The following CNTN6 variants were observed in gnomAD, a reference collection of about 807,000 sequenced individuals.
CNTN6 encodes the protein contactin 6.
CNTN6 carries 137 observed loss-of-function variants against 122.8 expected under a neutral mutation model. The ratio of observed to expected loss-of-function variants is 1.12; its 90% CI spans 0.97 to 1.29. The LOEUF is 1.29. Ranked by LOEUF, CNTN6 falls within the 50% of genes most tolerant of loss-of-function variation. The pLI is 0.00. For missense variants in CNTN6, 1,634 were observed against 1,223.4 expected (o/e 1.34, Z -5.01); for synonymous variants, 570 against 426.0 (o/e 1.34, Z -4.16).
At chr3:1,349,802 A>G (rs1487138840) in intron 11 of CNTN6, among the ~76,000 whole-genome samples, 1 of 151,754 alleles carries the variant, frequency 6.6e-6, no homozygotes, top group Non-Finnish European at 1.5e-5. Context: ...TTATATTGTC[A>G]TGAGATTAAT....
At chr3:1,265,300 G>T (rs1432515269) in intron 4 of CNTN6, among the ~76,000 whole-genome samples, 1 of 152,104 alleles carries the variant, frequency 6.6e-6, no homozygotes, top group Non-Finnish European at 1.5e-5. Context: ...ACCTCTAAAT[G>T]AAACCTAGTC....
chr3:1,401,309 GAA>G, intron 20 of CNTN6, 122 bp from the exon 21 acceptor site: 1 of 717,816 alleles, frequency 1.4e-6, no homozygotes, highest in Non-Finnish European at 2.4e-6. Flanking sequence ...AAATGACACT[GAA>G]GACATTTTAG....
At chr3:1,150,437 C>T (rs920746820) in intron 2 of CNTN6, among the ~76,000 whole-genome samples, 6 of 152,018 alleles carry the variant, frequency 3.9e-5, no homozygotes, top group South Asian at 2.1e-4. Context: ...TTTTGACAAC[C>T]TCTCCCCTCA....
At chr3:1,358,963 G>T (rs1707043372) in intron 12 of CNTN6, among the ~76,000 whole-genome samples, 3 of 152,138 alleles carry the variant, frequency 2.0e-5, no homozygotes, top group South Asian at 2.1e-4. Context: ...GGGAAGCTGA[G>T]ATGGAAGGAT....
At chr3:1,325,764 T>C in intron 8 of CNTN6, 51 bp from the exon 9 acceptor site, 1 of 1,589,338 alleles carries the variant, frequency 6.3e-7, no homozygotes, top group South Asian at 1.2e-5. Context: ...TAGCATAATG[T>C]CTTGGATAAC....
At position 1,372,465 on chromosome 3, in the gene CNTN6, G is replaced by C; in HGVS notation, c.1659G>C (p.Arg553Ser). Reference protein sequence around the residue: ...DLKKGVAHFERIGGESVGDLM... With the variant: ...DLKKGVAHFESIGGESVGDLM... ...AAAAAGGAGTGGCTCATTTTGAAAG[G>C]ATTGGAGGAGTAAGTTACTGAAATT... The change falls in exon 13 of 23, where the codon AGG (arginine) becomes AGC (serine). Residue 553 changes from arginine to serine, a missense_variant. Arg to Ser is a moderately radical substitution (Grantham distance 110). Coordinates refer to ENST00000446702, the MANE Select transcript of CNTN6 (RefSeq NM_001289080.2). 1.2e-6 allele frequency: 2 copies of C among 1,604,758 alleles called. No homozygotes were observed. The highest frequency in any genetic ancestry group is 2.2e-5 in the East Asian group (1 of 44,684).
chr3:1,246,975 C>T (rs1386104673), intron 4 of CNTN6, among the ~76,000 whole-genome samples: 2 of 152,090 alleles, frequency 1.3e-5, no homozygotes, highest in Non-Finnish European at 2.9e-5. Context: ...TGCCTTTTCA[C>T]TCTCTTAATC....
At chr3:1,194,502 G>A (rs1202279913) in intron 2 of CNTN6, among the ~76,000 whole-genome samples, 6 of 151,966 alleles carry the variant, frequency 3.9e-5, no homozygotes, top group Non-Finnish European at 8.8e-5. Flanking sequence ...ATATTAATAT[G>A]CTAATAATGT....
At chr3:1,285,197 A>T (rs1694128941) in intron 5 of CNTN6, among the ~76,000 whole-genome samples, 1 of 152,228 alleles carries the variant, frequency 6.6e-6, no homozygotes, top group Admixed American at 6.5e-5. Context: ...GTATGTATTT[A>T]TAAGGTATAA....
chr3:1,315,885 C>T (rs193092198), intron 7 of CNTN6, among the ~76,000 whole-genome samples: 2 of 151,896 alleles, frequency 1.3e-5, no homozygotes, highest in African/African-American at 4.8e-5. Flanking sequence ...GCTTGTGTAG[C>T]CGTTTCATTC....
At chr3:1,327,731 A>C in intron 10 of CNTN6, 145 bp downstream of exon 10, 1 of 887,950 alleles carries the variant, frequency 1.1e-6, no homozygotes, top group East Asian at 2.8e-5. Context: ...CTTTTTACAA[A>C]ATTCAAGGTG....
chr3:1,366,984 C>T (rs1456811506), intron 12 of CNTN6, among the ~76,000 whole-genome samples: 1 of 152,060 alleles, frequency 6.6e-6, no homozygotes, highest in Non-Finnish European at 1.5e-5. Context: ...CTTCATACTT[C>T]CAAAGTTTTT....
intron 19 of CNTN6, among the ~76,000 whole-genome samples, chr3:1,383,638 TAAAAAA>T (rs1181893609): frequency 6.7e-6 from 1 of 148,826 alleles, no homozygotes; most frequent in African/African-American, 2.5e-5. Flanking sequence ...GAGCCAGTGG[TAAAAAA>T]ACAAAAACAA....
chr3:1,110,645 C>A (rs1246852154), intron 1 of CNTN6, among the ~76,000 whole-genome samples: 3 of 151,898 alleles, frequency 2.0e-5, no homozygotes, highest in African/African-American at 7.3e-5. Context: ...ATTCAGCAGC[C>A]CTGAGAAGTT....
intron 4 of CNTN6, among the ~76,000 whole-genome samples, chr3:1,249,234 G>A (rs1208264811): frequency 5.9e-5 from 9 of 152,086 alleles, no homozygotes; most frequent in Admixed American, 2.0e-4. Context: ...AAAAACAAAT[G>A]GTAATTGGTA....
chr3:1,289,622 G>A (rs899204414), intron 5 of CNTN6, among the ~76,000 whole-genome samples: 2 of 151,814 alleles, frequency 1.3e-5, no homozygotes, highest in African/African-American at 4.8e-5. Flanking sequence ...CCTTCCCAGT[G>A]TGATGATGCA....
intron 1 of CNTN6, among the ~76,000 whole-genome samples, chr3:1,108,803 A>C (rs1304489810): frequency 2.0e-5 from 3 of 152,094 alleles, no homozygotes; most frequent in Non-Finnish European, 4.4e-5. Context: ...TGAAATATTT[A>C]AAAGAAGTTA....
chr3:1,215,176 T>C (rs1219793735), intron 2 of CNTN6, among the ~76,000 whole-genome samples: 38 of 152,242 alleles, frequency 2.5e-4, no homozygotes, highest in Admixed American at 2.5e-3. Flanking sequence ...TATTCACTCT[T>C]TCAAATATTT....
At chr3:1,402,620 T>C in intron 22 of CNTN6, 134 bp downstream of exon 22, 1 of 669,168 alleles carries the variant, frequency 1.5e-6, no homozygotes, top group Non-Finnish European at 2.4e-6. Flanking sequence ...GAGCAAAAGG[T>C]GATGAGCCAT....
Sources: allele counts gnomAD v4.1 joint callset (sites outside exome capture counted in the v4.1 genomes callset), GRCh38; gene constraint gnomAD v4.1.1; transcripts MANE v1.5; gene names NCBI Gene and HGNC (gene_info 2026-07-23, HGNC 2026-07-21).